The following NOP9 variants were observed in gnomAD, a reference collection of about 807,000 sequenced individuals.
NOP9 encodes nucleolar protein 9.
NOP9 carries 50 observed loss-of-function variants against 63.0 expected under a neutral mutation model. The observed-to-expected ratio is 0.79, with a 90% CI of 0.63 to 1.00. The LOEUF (loss-of-function observed/expected upper bound fraction) is 1.00. NOP9 is among the 50% of genes least tolerant of loss of function. The pLI, the probability that NOP9 is intolerant of heterozygous loss-of-function variation, is 0.00. For synonymous variants in NOP9, 343 were observed against 332.8 expected (o/e 1.03, Z -0.33); for missense variants, 758 against 803.0 (o/e 0.94, Z 0.68).
chr14:24,302,548 CT>C, intron 5 of NOP9, 124 bp downstream of exon 5: 2 of 984,154 alleles, frequency 2.0e-6, no homozygotes, highest in Non-Finnish European at 2.9e-6. Flanking sequence ...AAAAGCTATT[CT>C]TTGAGGTTTT....
rs770071717 is a variant in NOP9, at chr14:24,302,118, GCCT to G, written c.950+14_950+16del. 1.9e-6 allele frequency: 3 copies of G among 1,609,980 alleles called. No homozygotes were observed. The highest frequency in any genetic ancestry group is 2.5e-6 in the Non-Finnish European group (3 of 1,177,110). On this transcript the variant is annotated intron_variant, in intron 4 of 9. Coordinates refer to ENST00000267425, the MANE Select transcript of NOP9 (RefSeq NM_174913.3). Reference sequence around the variant, plus strand: ...TCAGTAGATGGCAGGTATGGTCAGGGCCTCAGGATCGACCCAAGTTGGCGGGGC... The same window carrying G: ...TCAGTAGATGGCAGGTATGGTCAGGGCAGGATCGACCCAAGTTGGCGGGGC...
At position 24,306,641 on chromosome 14, in the gene NOP9, G is replaced by A. The variant is rs1043462178; in HGVS notation, c.*1546G>A. The A allele has an allele frequency of 2.3e-6, 3 of 1,284,290 alleles. No individual in the cohort carries two copies. In the African/African-American group the frequency reaches 4.4e-5, roughly 19 times the overall value. The allele number at this position is 1,284,290 out of a possible 1,614,324, so 79.6% of individuals were successfully genotyped here. A position where few individuals can be genotyped will look rare whatever the true frequency, so the allele number is the denominator to read the frequency against. ...GGTCGATGTCCCACTTTGACTTTCC[G>A]GCACTTTGATACCTCCTAAAGGTTG... On this transcript the variant is annotated 3_prime_UTR_variant, in exon 10 of 10. Transcript: ENST00000267425.
At chr14:24,283,728 C>T in the NOP9 span, among the ~76,000 whole-genome samples, 2 of 152,250 alleles carry the variant, frequency 1.3e-5, no homozygotes, top group Non-Finnish European at 2.9e-5. Flanking sequence ...CCCTTGACAG[C>T]TCCCAGATCA....
chr14:24,301,863 C>T lies in NOP9; in HGVS notation c.809-102C>T, dbSNP rs1016810763. 35 of 1,454,460 alleles carry T rather than the reference C, an allele frequency of 2.4e-5. No individual in the cohort carries two copies. In the East Asian group the frequency reaches 7.3e-4, roughly 30 times the overall value. The allele number at this position is 1,454,460 out of a possible 1,614,324, so 90.1% of individuals were successfully genotyped here. A position where few individuals can be genotyped will look rare whatever the true frequency, so the allele number is the denominator to read the frequency against. ...ACGTTCAGAGCACTTTGTATAGTCC[C>T]TTTGTGTCCATAGTGCCCTGTATCT... On this transcript the variant is annotated intron_variant, in intron 3 of 9. Coordinates refer to ENST00000267425, the MANE Select transcript of NOP9 (RefSeq NM_174913.3).
At chr14:24,296,743 C>A, upstream of NOP9, 1 of 1,614,160 alleles carries the variant, frequency 6.2e-7, no homozygotes, top group Non-Finnish European at 8.5e-7. Flanking sequence ...GGTACCTGGA[C>A]CCCTGCATAA....
the NOP9 span, chr14:24,290,789 C>T: frequency 6.3e-7 from 1 of 1,587,448 alleles, no homozygotes; most frequent in Non-Finnish European, 8.6e-7. Flanking sequence ...GCTGCTGTTT[C>T]ACTGAGACAG....
At chr14:24,296,009 G>A (rs1250785264), upstream of NOP9, among the ~76,000 whole-genome samples, 2 of 152,112 alleles carry the variant, frequency 1.3e-5, no homozygotes, top group Non-Finnish European at 2.9e-5. Context: ...CTCACTCCTG[G>A]GCTAAATGAC....
At chr14:24,273,990 CTAAG>C in the NOP9 span, among the ~76,000 whole-genome samples, 55 of 152,244 alleles carry the variant, frequency 3.6e-4, no homozygotes, top group Non-Finnish European at 7.2e-4. Context: ...AGTGTCTGTA[CTAAG>C]TAAGGGCTCA....
chr14:24,290,831 G>C, the NOP9 span: 1 of 1,612,972 alleles, frequency 6.2e-7, no homozygotes, highest in Non-Finnish European at 8.5e-7. Context: ...GAGAAGACAA[G>C]CAGAGACGTA....
rs201976440 is a variant in NOP9, at chr14:24,303,135, C to G, written c.1205C>G (p.Pro402Arg). 2.7e-4 allele frequency: 435 copies of G among 1,612,450 alleles called. 3 individuals carry two copies. The South Asian group carries it at 4.5e-3, about 17-fold the overall frequency. ...GAAGCTGTATTGGCCCAGGGCCACC[C>G]AGGGGTAGTCATTGCCCTGGTGGGG... The part of the protein sequence containing the change: ...VLEAVLAQGH[P>R]GVVIALVGAC... The change falls in exon 6 of 10, where the codon CCA becomes CGA. Residue 402 changes from proline to arginine, a missense_variant. Physicochemically the swap from Pro to Arg is moderately radical, Grantham distance 103. Coordinates refer to ENST00000267425, the MANE Select transcript of NOP9 (RefSeq NM_174913.3).
rs2041517464 is a variant in NOP9, at chr14:24,306,619, C to T, written c.*1524C>T. On this transcript the variant is annotated 3_prime_UTR_variant, in exon 10 of 10. Transcript: ENST00000267425. Reference sequence around the variant, plus strand: ...CCATCAGTTGGCTCTAGACATTGGTCGATGTCCCACTTTGACTTTCCGGCA... The same window carrying T: ...CCATCAGTTGGCTCTAGACATTGGTTGATGTCCCACTTTGACTTTCCGGCA... The T allele has an allele frequency of 2.6e-6, 4 of 1,519,682 alleles. No individual in the cohort carries two copies. The highest frequency in any genetic ancestry group is 1.7e-4 in the Middle Eastern group (1 of 5,784). The allele number at this position is 1,519,682 out of a possible 1,614,324, so 94.1% of individuals were successfully genotyped here. A position where few individuals can be genotyped will look rare whatever the true frequency, so the allele number is the denominator to read the frequency against.
At position 24,307,003 on chromosome 14, in the gene NOP9, C is replaced by T. The variant is rs929861447; in HGVS notation, c.*1908C>T. 51 of 246,144 alleles carry T rather than the reference C, an allele frequency of 2.1e-4. No individual in the cohort carries two copies. The highest frequency in any genetic ancestry group is 1.1e-3 in the African/African-American group (47 of 44,700). The allele number at this position is 246,144 out of a possible 1,614,324, so 15.2% of individuals were successfully genotyped here. A position where few individuals can be genotyped will look rare whatever the true frequency, so the allele number is the denominator to read the frequency against. ...CTAGGAGGTGATGTATTATTATTGC[C>T]TTTTTATAGTTGAAGAAACTGAGGT... On this transcript the variant is annotated 3_prime_UTR_variant, in exon 10 of 10. Coordinates refer to ENST00000267425, the MANE Select transcript of NOP9 (RefSeq NM_174913.3).
chr14:24,306,305 G>A lies in NOP9; in HGVS notation c.*1210G>A. 1 of 1,599,330 alleles carries A rather than the reference G, an allele frequency of 6.3e-7. No homozygotes were observed. Among genetic ancestry groups the A allele is most frequent in the Non-Finnish European group, 8.6e-7 (1 of 1,168,030 alleles). On this transcript the variant is annotated 3_prime_UTR_variant, in exon 10 of 10. Transcript: ENST00000267425. The stretch of plus-strand genomic sequence containing the variant: ...ACCTGGTCCCCAGGATCAGGGTTAA[G>A]CTAGAGAGGAAGCCCGGGAAAGCTC...
chr14:24,292,711 A>C, the NOP9 span: 6 of 1,614,138 alleles, frequency 3.7e-6, no homozygotes, highest in Non-Finnish European at 3.4e-6. Context: ...CCTGGGGAGG[A>C]GATGACCACG....
chr14:24,290,478 A>T, the NOP9 span: 2 of 216,750 alleles, frequency 9.2e-6, no homozygotes, highest in Admixed American at 1.0e-4. Context: ...ACAGTTCTGG[A>T]GGAAAGGGGT....
chr14:24,303,472 C>G (rs2041414992), intron 6 of NOP9, among the ~76,000 whole-genome samples: 1 of 151,582 alleles, frequency 6.6e-6, no homozygotes, highest in East Asian at 1.9e-4. Context: ...CCGTGCCCGG[C>G]TGAGGCCAAA....
At chr14:24,285,078 C>A in the NOP9 span, among the ~76,000 whole-genome samples, 5 of 152,188 alleles carry the variant, frequency 3.3e-5, no homozygotes, top group Non-Finnish European at 7.3e-5. Context: ...GCCAGTTAGT[C>A]AAAGCTCACA....
upstream of NOP9, chr14:24,299,178 G>A: frequency 1.3e-6 from 2 of 1,516,472 alleles, no homozygotes; most frequent in South Asian, 1.2e-5. Context: ...GACTGTGTGT[G>A]TGTTGGGGCG....
Position 24,300,470 on chromosome 14 carries a change from A to G in NOP9, c.310A>G (p.Arg104Gly), listed in dbSNP as rs753241472. Residue 104 changes from arginine (R) to glycine (G), a missense_variant, in exon 2 of 10, where the codon AGG (arginine) becomes GGG (glycine). Physicochemically the swap from Arg to Gly is moderately radical, Grantham distance 125. Transcript: ENST00000267425. ...TCAGGCCCTAGCTTTGTCCACGAACAGGACTGGCAGTGAGATGCTGCAGGA... is the reference window on the plus strand; with the variant it reads ...TCAGGCCCTAGCTTTGTCCACGAACGGGACTGGCAGTGAGATGCTGCAGGA... ...ETQALALSTN[R>G]TGSEMLQELL... 3.1e-6 allele frequency: 5 copies of G among 1,614,238 alleles called. No individual in the cohort carries two copies. In the Admixed American group the frequency reaches 8.3e-5, roughly 27 times the overall value.
Sources: gnomAD v4.1 joint callset for allele counts (sites outside exome capture counted in the v4.1 genomes callset) on GRCh38, gnomAD v4.1.1 for gene constraint, MANE v1.5 for transcripts, NCBI Gene and HGNC (gene_info 2026-07-23, HGNC 2026-07-21) for gene names.